The following COL5A2 variants were observed in gnomAD, a reference collection of about 807,000 sequenced individuals.
The protein encoded by COL5A2 is collagen alpha-2(V) chain.
A neutral mutation model predicts 208.2 loss-of-function variants in COL5A2; 23 were observed. That is an observed-to-expected ratio of 0.11 (90% confidence interval 0.08 to 0.16). COL5A2 has a LOEUF of 0.16. COL5A2 is among the 10% of genes least tolerant of loss of function. The probability of loss-of-function intolerance (pLI) is 1.00; values close to 1 mark genes in which losing one functional copy is unlikely to be tolerated. For synonymous variants in COL5A2, 625 were observed against 628.5 expected, an observed-to-expected ratio of 0.99 and a Z score of 0.08; for missense variants, 1,590 against 1,956.4, an observed-to-expected ratio of 0.81 and a Z score of 3.53.
chr2:189,070,580 G>A (rs1163658719), intron 18 of COL5A2, among the ~76,000 whole-genome samples: 1 of 152,192 alleles, frequency 6.6e-6, no homozygotes, highest in East Asian at 1.9e-4. Context: ...CAGGAGGAGA[G>A]AGAAGTAACC....
At chr2:189,326,404 G>C in the COL5A2 span, among the ~76,000 whole-genome samples, 1 of 152,002 alleles carries the variant, frequency 6.6e-6, no homozygotes, top group African/African-American at 2.4e-5. Context: ...TAGACAAGAA[G>C]GTTATTTAGG....
chr2:189,175,010 A>T (rs1307501855), intron 1 of COL5A2, among the ~76,000 whole-genome samples: 1 of 152,210 alleles, frequency 6.6e-6, no homozygotes, highest in African/African-American at 2.4e-5. Flanking sequence ...ACCAAAGTGG[A>T]TCTAGTCACA....
the COL5A2 span, among the ~76,000 whole-genome samples, chr2:189,411,982 G>A: frequency 6.6e-6 from 1 of 152,132 alleles, no homozygotes; most frequent in Non-Finnish European, 1.5e-5. Flanking sequence ...AATAGTGGGA[G>A]TGGAAAAAGA....
chr2:189,213,784 C>A (rs1184496576), intron 1 of COL5A2, among the ~76,000 whole-genome samples: 3 of 152,078 alleles, frequency 2.0e-5, no homozygotes, highest in South Asian at 2.1e-4. Flanking sequence ...GGGATTGATA[C>A]AAAAGTAAGG....
At chr2:189,215,203 T>C (rs948663046) in intron 1 of COL5A2, among the ~76,000 whole-genome samples, 1 of 152,130 alleles carries the variant, frequency 6.6e-6, no homozygotes, top group Non-Finnish European at 1.5e-5. Flanking sequence ...GATCTAATCA[T>C]CCCTGTTTAC....
chr2:189,346,099 C>G, the COL5A2 span, among the ~76,000 whole-genome samples: 1 of 152,154 alleles, frequency 6.6e-6, no homozygotes, highest in African/African-American at 2.4e-5. Flanking sequence ...CATTTATGCT[C>G]ATTTCTTGCC....
chr2:189,207,712 C>T (rs1268415201), intron 1 of COL5A2, among the ~76,000 whole-genome samples: 1 of 152,206 alleles, frequency 6.6e-6, no homozygotes, highest in Non-Finnish European at 1.5e-5. Context: ...CTCTACTCCA[C>T]TTAGCAGAGC....
intron 1 of COL5A2, among the ~76,000 whole-genome samples, chr2:189,208,084 C>A (rs558726441): frequency 1.2e-4 from 19 of 152,108 alleles, no homozygotes; most frequent in Admixed American, 9.2e-4. Context: ...GTCATTTATG[C>A]AACAATCCTC....
At chr2:189,403,395 C>A in the COL5A2 span, among the ~76,000 whole-genome samples, 1 of 152,158 alleles carries the variant, frequency 6.6e-6, no homozygotes, top group African/African-American at 2.4e-5. Context: ...TCTGAATACA[C>A]TTTATTTCTT....
At chr2:189,122,577 T>C (rs1252555960) in intron 1 of COL5A2, among the ~76,000 whole-genome samples, 1 of 152,206 alleles carries the variant, frequency 6.6e-6, no homozygotes, top group African/African-American at 2.4e-5. Context: ...TCATCTCACC[T>C]TATCCGTACA....
chr2:189,057,040 C>T lies in COL5A2; in HGVS notation c.2338-14G>A. The T allele has an allele frequency of 1.2e-6, 2 of 1,612,416 alleles. No individual in the cohort carries two copies. The highest frequency in any genetic ancestry group is 1.7e-6 in the Non-Finnish European group (2 of 1,178,478). On this transcript the variant is annotated splice_polypyrimidine_tract_variant and intron_variant, in intron 34 of 53. Transcript: ENST00000374866. ...TCCTATGCCACCCTGGGAAAACACA[C>T]AAAATACAATTGATTCATTTAATTG...
chr2:189,129,722 G>C (rs1295991873), intron 1 of COL5A2, among the ~76,000 whole-genome samples: 1 of 151,992 alleles, frequency 6.6e-6, no homozygotes, highest in Admixed American at 6.6e-5. Flanking sequence ...TCCATGTTAA[G>C]ATTTAGGGGA....
the COL5A2 span, among the ~76,000 whole-genome samples, chr2:189,307,150 T>A: frequency 6.6e-6 from 1 of 152,172 alleles, no homozygotes; most frequent in South Asian, 2.1e-4. Context: ...ATATAACACA[T>A]CTGAATTCCT....
the COL5A2 span, among the ~76,000 whole-genome samples, chr2:189,307,423 A>G: frequency 2.6e-5 from 4 of 152,226 alleles, no homozygotes; most frequent in Admixed American, 6.5e-5. Flanking sequence ...AAAATTAAAA[A>G]TTAATAAGCA....
At chr2:189,100,181 A>G (rs1687020182) in intron 3 of COL5A2, 42 bp from the exon 4 acceptor site, 1 of 1,554,232 alleles carries the variant, frequency 6.4e-7, no homozygotes. Flanking sequence ...TTAGCACAAT[A>G]TAATGGCTTG....
chr2:189,143,896 T>C (rs1301442914), intron 1 of COL5A2, among the ~76,000 whole-genome samples: 2 of 152,182 alleles, frequency 1.3e-5, no homozygotes, highest in African/African-American at 4.8e-5. Flanking sequence ...TCATACGTAT[T>C]ATGTGTTCAG....
intron 1 of COL5A2, among the ~76,000 whole-genome samples, chr2:189,157,122 ATC>A (rs1688262934): frequency 5.1e-4 from 9 of 17,700 alleles, no homozygotes; most frequent in South Asian, 4.9e-3. Flanking sequence ...ATATCGATAT[ATC>A]TATCTATATA....
chr2:189,096,621 C>CAAAAAAAA (rs777945216), intron 6 of COL5A2, among the ~76,000 whole-genome samples: 1 of 71,134 alleles, frequency 1.4e-5, no homozygotes, highest in Non-Finnish European at 2.9e-5. Context: ...GACTCCGTCT[C>CAAAAAAAA]AAAAAAAAAA....
At chr2:189,122,482 A>G (rs534045121) in intron 1 of COL5A2, among the ~76,000 whole-genome samples, 2 of 152,248 alleles carry the variant, frequency 1.3e-5, no homozygotes, top group East Asian at 3.9e-4. Flanking sequence ...GGTGATGAGA[A>G]TACTTGGTAC....
Sources: gnomAD v4.1 joint callset for allele counts (sites outside exome capture counted in the v4.1 genomes callset) on GRCh38, gnomAD v4.1.1 for gene constraint, MANE v1.5 for transcripts, NCBI Gene and HGNC (gene_info 2026-07-23, HGNC 2026-07-21) for gene names.